SEC14L1: variants seen among roughly 807,000 people sequenced by gnomAD.
SEC14L1 encodes SEC14-like protein 1.
In SEC14L1, 48 loss-of-function variants were observed where a neutral mutation model predicts 85.3. The ratio of observed to expected loss-of-function variants is 0.56; its 90% CI spans 0.45 to 0.72. The LOEUF (loss-of-function observed/expected upper bound fraction) is 0.72, where lower values mean the gene tolerates loss of function less well. Among genes scored for constraint, SEC14L1 ranks in the 30% least tolerant of loss-of-function variants. The pLI, the probability that SEC14L1 is intolerant of heterozygous loss-of-function variation, is 0.00. For missense variants in SEC14L1, 682 were observed against 921.4 expected (o/e 0.74, Z 3.36); for synonymous variants, 391 against 355.5 (o/e 1.10, Z -1.12).
intron 3 of SEC14L1, among the ~76,000 whole-genome samples, chr17:77,149,825 A>T (rs902891571): frequency 1.3e-5 from 2 of 151,776 alleles, no homozygotes; most frequent in Non-Finnish European, 2.9e-5. Flanking sequence ...CTGGGAGCAA[A>T]GCCCTTTTGT....
At chr17:77,089,460 A>C (rs1314285851) in intron 2 of SEC14L1, 1 of 518,992 alleles carries the variant, frequency 1.9e-6, no homozygotes, top group Non-Finnish European at 3.8e-6. Flanking sequence ...TTCTAGCAGC[A>C]GTTTGATGAT....
chr17:77,142,268 C>G lies in SEC14L1; in HGVS notation c.-135-378C>G, dbSNP rs142990091. On this transcript the variant is annotated intron_variant, in intron 1 of 16. Coordinates refer to ENST00000436233, the MANE Select transcript of SEC14L1 (RefSeq NM_001143998.2). ...GAGAAAGTTCCAAACCTGTTTAAAC[C>G]TTAGTACTATAGATGGGAATTCTAT... 4.8e-3 allele frequency among the ~76,000 whole-genome samples: 734 copies of G among 152,128 alleles called. 6 individuals are homozygous for G. The highest frequency in any genetic ancestry group is 0.014 in the South Asian group (67 of 4,822).
intron 3 of SEC14L1, among the ~76,000 whole-genome samples, chr17:77,181,980 C>T (rs1398046823): frequency 6.6e-6 from 1 of 151,966 alleles, no homozygotes; most frequent in Non-Finnish European, 1.5e-5. Flanking sequence ...TCTTTGAGCA[C>T]TGGCAGCTTG....
intron 8 of SEC14L1, among the ~76,000 whole-genome samples, chr17:77,197,820 G>A (rs1302316438): frequency 6.6e-6 from 1 of 152,118 alleles, no homozygotes; most frequent in Non-Finnish European, 1.5e-5. Context: ...TGGCCAGGCT[G>A]GTCTCAAACT....
chr17:77,162,625 G>A (rs181926844), intron 3 of SEC14L1, among the ~76,000 whole-genome samples: 1 of 152,214 alleles, frequency 6.6e-6, no homozygotes, highest in Admixed American at 6.5e-5. Context: ...CTGAGGTCGG[G>A]AGTTCGAGAG....
chr17:77,193,723 G>A (rs917968924), intron 6 of SEC14L1, among the ~76,000 whole-genome samples, 174 bp downstream of exon 6: 8 of 152,194 alleles, frequency 5.3e-5, no homozygotes, highest in African/African-American at 1.9e-4. Context: ...GGTTGTGCTG[G>A]TTGCTGATGG....
At chr17:77,191,791 T>A (rs1306824921) in intron 5 of SEC14L1, among the ~76,000 whole-genome samples, 1 of 151,370 alleles carries the variant, frequency 6.6e-6, no homozygotes, top group Non-Finnish European at 1.5e-5. Context: ...GATCCACCCC[T>A]TGGCCTAATT....
In SEC14L1 at chr17:77,167,043, T is replaced by C. The variant is rs560740774; in HGVS notation, c.63+23384T>C. Among the ~76,000 whole-genome samples, 37 of 152,310 alleles carry C rather than the reference T, an allele frequency of 2.4e-4. No individual in the cohort carries two copies. In the South Asian group the frequency reaches 7.7e-3, roughly 32 times the overall value. ...TCTTGTGTTCATGTGTCCTCAGCCCTGTGCCTGTTGGAGAAGGGAGTGAAT... is the reference window on the plus strand; with the variant it reads ...TCTTGTGTTCATGTGTCCTCAGCCCCGTGCCTGTTGGAGAAGGGAGTGAAT... On this transcript the variant is annotated intron_variant, in intron 3 of 16. Transcript: ENST00000436233.
chr17:77,167,108 A>C (rs1974314830), intron 3 of SEC14L1, among the ~76,000 whole-genome samples: 1 of 151,632 alleles, frequency 6.6e-6, no homozygotes, highest in Non-Finnish European at 1.5e-5. Flanking sequence ...AGGTTCTTAA[A>C]AGAAGCTTGT....
intron 9 of SEC14L1, among the ~76,000 whole-genome samples, chr17:77,201,216 A>G (rs368621436): frequency 2.6e-5 from 4 of 152,246 alleles, no homozygotes; most frequent in East Asian, 1.9e-4. Context: ...AATGCCTTCC[A>G]TACCCTGCCT....
At chr17:77,203,255 GCC>G (rs1309361226) in intron 9 of SEC14L1, among the ~76,000 whole-genome samples, 1 of 152,192 alleles carries the variant, frequency 6.6e-6, no homozygotes, top group East Asian at 1.9e-4. Context: ...TTCAGACTGA[GCC>G]CAGCACTTAT....
chr17:77,206,119 A>G lies in SEC14L1; in HGVS notation c.1170-110A>G, dbSNP rs1258686254. 13 of 1,058,230 alleles carry G rather than the reference A, an allele frequency of 1.2e-5. No individual in the cohort carries two copies. Among genetic ancestry groups the G allele is most frequent in the Non-Finnish European group, 1.8e-5 (13 of 732,748 alleles). 65.6% of individuals were successfully genotyped at this position (1,058,230 alleles called of 1,614,324 possible). A position where few individuals can be genotyped will look rare whatever the true frequency, so the allele number is the denominator to read the frequency against. On this transcript the variant is annotated intron_variant, in intron 11 of 16. Transcript: ENST00000436233. The surrounding 1 kb of genome is among the most constrained non-coding windows in gnomAD (Gnocchi z 4.3). ...ATAGCACTATAATTTAAAAAAATTG[A>G]TTATGATGTATTTGGAAATAGCTAT...
intron 3 of SEC14L1, among the ~76,000 whole-genome samples, chr17:77,182,929 C>G (rs766348121): frequency 9.2e-5 from 14 of 152,262 alleles, no homozygotes; most frequent in Non-Finnish European, 1.5e-5. Context: ...CTCCTCCTAG[C>G]CCCAAGGAGC....
rs987400026 is a variant in SEC14L1, at chr17:77,215,428, T to C, written c.*1405T>C. 1.0e-6 allele frequency: 1 copy of C among 984,838 alleles called. No individual in the cohort carries two copies. The highest frequency in any genetic ancestry group is 1.2e-6 in the Non-Finnish European group (1 of 829,516). 61.0% of individuals were successfully genotyped at this position (984,838 alleles called of 1,614,324 possible). A position where few individuals can be genotyped will look rare whatever the true frequency, so the allele number is the denominator to read the frequency against. ...CTGTCAACTGTGTGCGTGGTAGGCA[T>C]GGAGATCCTGGTTGTGCCGTCTCAG... is the stretch of plus-strand genomic sequence containing the variant. On this transcript the variant is annotated 3_prime_UTR_variant, in exon 17 of 17. Coordinates refer to ENST00000436233, the MANE Select transcript of SEC14L1 (RefSeq NM_001143998.2).
At position 77,143,347 on chromosome 17, in the gene SEC14L1, C is replaced by T. The variant is rs147329733; in HGVS notation, c.-30-220C>T. ...ACCCCTCTCACACCAGTACTGTTTGCCTCATTGCATTGGGGCTTTGTCTGC... is the reference window on the plus strand; with the variant it reads ...ACCCCTCTCACACCAGTACTGTTTGTCTCATTGCATTGGGGCTTTGTCTGC... On this transcript the variant is annotated intron_variant, in intron 2 of 16. Coordinates refer to ENST00000436233, the MANE Select transcript of SEC14L1 (RefSeq NM_001143998.2). Among the ~76,000 whole-genome samples the T allele has an allele frequency of 2.2e-3, 342 of 152,296 alleles. 1 individual carries two copies. The highest frequency in any genetic ancestry group is 7.8e-3 in the African/African-American group (324 of 41,556).
At chr17:77,208,437 G>A (rs895043351) in intron 13 of SEC14L1, among the ~76,000 whole-genome samples, 5 of 152,160 alleles carry the variant, frequency 3.3e-5, no homozygotes, top group Non-Finnish European at 5.9e-5. Flanking sequence ...GCCTCACCGC[G>A]TTGTGCCTGT....
At chr17:77,091,214 A>T (rs1305006424) in intron 2 of SEC14L1, among the ~76,000 whole-genome samples, 1 of 152,036 alleles carries the variant, frequency 6.6e-6, no homozygotes, top group Admixed American at 6.6e-5. Flanking sequence ...CAGCCTCCCA[A>T]ATAGCTGAGA....
At chr17:77,147,874 T>A (rs909499442) in intron 3 of SEC14L1, among the ~76,000 whole-genome samples, 1 of 152,122 alleles carries the variant, frequency 6.6e-6, no homozygotes, top group African/African-American at 2.4e-5. Context: ...ATGTCAGGTG[T>A]ACAGTTTGAT....
At chr17:77,120,295 G>A (rs1010275372) in intron 3 of SEC14L1, among the ~76,000 whole-genome samples, 1 of 152,166 alleles carries the variant, frequency 6.6e-6, no homozygotes, top group Admixed American at 6.6e-5. Context: ...TAACCGCCTT[G>A]TTTTGCCACT....
Sources: gnomAD v4.1 joint callset for allele counts (sites outside exome capture counted in the v4.1 genomes callset) on GRCh38, gnomAD v4.1.1 for gene constraint, Gnocchi (gnomAD v3.1) non-coding constraint, MANE v1.5 for transcripts, NCBI Gene and HGNC (gene_info 2026-07-23, HGNC 2026-07-21) for gene names.